Variants in SMC2 observed in about 807,000 individuals in gnomAD.
The protein encoded by SMC2 is structural maintenance of chromosomes 2.
In SMC2, 41 loss-of-function variants were observed where a neutral mutation model predicts 142.6. The observed-to-expected ratio is 0.29, with a 90% CI of 0.22 to 0.37. SMC2 has a LOEUF of 0.37. SMC2 is among the 10% of genes least tolerant of loss of function. The pLI is 1.00. For synonymous variants in SMC2, 463 were observed against 457.5 expected (o/e 1.01, Z -0.15); for missense variants, 1,265 against 1,373.7 (o/e 0.92, Z 1.25).
intron 18 of SMC2, among the ~76,000 whole-genome samples, chr9:104,125,522 G>C (rs758374225): frequency 5.3e-5 from 8 of 152,148 alleles, no homozygotes; most frequent in Non-Finnish European, 4.4e-5. Flanking sequence ...ATAGTTGTGA[G>C]TAGGGGATGC....
intron 15 of SMC2, among the ~76,000 whole-genome samples, chr9:104,119,527 C>A (rs1345995112): frequency 6.6e-6 from 1 of 152,162 alleles, no homozygotes; most frequent in Non-Finnish European, 1.5e-5. Context: ...CAAATTTATT[C>A]CATGTTTATG....
rs1833366023 is a variant in SMC2, at chr9:104,118,392, T to C, written c.1996+17T>C. On this transcript the variant is annotated intron_variant, in intron 15 of 24. Coordinates refer to ENST00000374793, the MANE Select transcript of SMC2 (RefSeq NM_006444.3). ...TGAGTGGAGGTAAGTTTTATATCCT[T>C]TTCTCCTCACAATTCTTTGTGGTAA... 2 of 1,595,240 alleles carry C rather than the reference T, an allele frequency of 1.3e-6. No homozygotes were observed. The highest frequency in any genetic ancestry group is 3.4e-5 in the Admixed American group (2 of 59,288).
intron 23 of SMC2, among the ~76,000 whole-genome samples, chr9:104,137,298 CTTT>C (rs1189245946): frequency 6.6e-6 from 1 of 151,832 alleles, no homozygotes; most frequent in African/African-American, 2.4e-5. Flanking sequence ...TAAAATAAGG[CTTT>C]TTATGAATTA....
rs2131261426 is a variant in SMC2 at position 104,094,340 on chromosome 9, A to C, written c.-199A>C. ...ATAAATAGTTCCGGCGCGGGTGTTG[A>C]GAGCGGTGTGGCAGGTGTTGTAGCC... is the stretch of plus-strand genomic sequence containing the variant. On this transcript the variant is annotated 5_prime_UTR_variant, in exon 1 of 25. Transcript: ENST00000374793. The C allele has an allele frequency of 2.5e-6, 1 of 398,762 alleles. No homozygotes were observed. Among genetic ancestry groups the C allele is most frequent in the Non-Finnish European group, 4.4e-6 (1 of 226,204 alleles). 24.7% of individuals were successfully genotyped at this position (398,762 alleles called of 1,614,324 possible).
chr9:104,112,435 A>G (rs562537733), intron 10 of SMC2, among the ~76,000 whole-genome samples: 31 of 152,332 alleles, frequency 2.0e-4, no homozygotes, highest in African/African-American at 7.2e-4. Flanking sequence ...GAAAAAATAC[A>G]TGTACACAGG....
At chr9:104,130,175 A>G (rs577980166) in intron 21 of SMC2, among the ~76,000 whole-genome samples, 35 of 152,140 alleles carry the variant, frequency 2.3e-4, no homozygotes, top group Non-Finnish European at 4.3e-4. Context: ...TCTTGACTCT[A>G]CTGTATACTG....
intron 10 of SMC2, 22 bp from the exon 11 acceptor site, chr9:104,113,294 C>A: frequency 6.3e-7 from 1 of 1,590,766 alleles, no homozygotes; most frequent in South Asian, 1.2e-5. Flanking sequence ...ATCCTATGGT[C>A]TGTTGCATTT....
At chr9:104,119,121 C>T (rs10820605) in intron 15 of SMC2, among the ~76,000 whole-genome samples, 77,649 of 151,836 alleles carry the variant, frequency 0.51, 20,622 homozygotes, top group Non-Finnish European at 0.55. Context: ...CTCTCGGCCA[C>T]GAAAACATTA....
intron 16 of SMC2, 24 bp downstream of exon 16, chr9:104,120,186 T>A (rs768885510): frequency 5.8e-6 from 9 of 1,555,442 alleles, no homozygotes; most frequent in South Asian, 3.7e-5. Flanking sequence ...ATACTTTTTT[T>A]AATTAAAGAT....
chr9:104,135,816 T>C (rs1304081618), intron 23 of SMC2: 1 of 518,408 alleles, frequency 1.9e-6, no homozygotes, highest in Non-Finnish European at 3.9e-6. Context: ...CTTAGAATTG[T>C]ATATCTAACA....
upstream of SMC2, among the ~76,000 whole-genome samples, chr9:104,090,757 C>G (rs1314959840): frequency 6.6e-6 from 1 of 152,004 alleles, no homozygotes; most frequent in Non-Finnish European, 1.5e-5. Context: ...AGAAGAGCAC[C>G]ACATGAGGAA....
chr9:104,102,643 CT>C (rs1831295663), intron 9 of SMC2, 70 bp downstream of exon 9: 2 of 1,414,956 alleles, frequency 1.4e-6, no homozygotes, highest in African/African-American at 2.9e-5. Flanking sequence ...GTACATTTAT[CT>C]ATTCCATGAA....
Position 104,104,746 on chromosome 9 carries a change from C to A in SMC2, c.1020+2173C>A, listed in dbSNP as rs1447850944. Among the ~76,000 whole-genome samples, 4 of 152,194 alleles carry A rather than the reference C, an allele frequency of 2.6e-5. No individual in the cohort carries two copies. The East Asian group carries it at 7.7e-4, about 29-fold the overall frequency. ...TAGCAAAACTAGTCCTTTTATTATG[C>A]CCACAGACTTCTCTGAAGCTGAAGG... On this transcript the variant is annotated intron_variant, in intron 9 of 24. Coordinates refer to ENST00000374793, the MANE Select transcript of SMC2 (RefSeq NM_006444.3).
chr9:104,105,146 A>G (rs533482670), intron 9 of SMC2, among the ~76,000 whole-genome samples: 14 of 152,342 alleles, frequency 9.2e-5, no homozygotes, highest in South Asian at 4.1e-4. Context: ...TGCCAAGGCA[A>G]TGTTATATAT....
chr9:104,109,308 A>G (rs933351149), intron 9 of SMC2, among the ~76,000 whole-genome samples: 2 of 152,184 alleles, frequency 1.3e-5, no homozygotes, highest in South Asian at 2.1e-4. Context: ...CAGAAATCTT[A>G]GAGTCCTCTG....
chr9:104,098,612 A>G (rs1377242945), intron 4 of SMC2, 44 bp downstream of exon 4: 25 of 1,553,090 alleles, frequency 1.6e-5, no homozygotes, highest in East Asian at 2.3e-5. Context: ...AATAGTTTCG[A>G]CATTTTTTAC....
At chr9:104,114,639 CTT>C in intron 12 of SMC2, 50 bp from the exon 13 acceptor site, 1 of 1,482,560 alleles carries the variant, frequency 6.7e-7, no homozygotes, top group Admixed American at 1.8e-5. Context: ...TAAAGTATAA[CTT>C]TTTCTACTTT....
chr9:104,118,404 A>T (rs779297149), intron 15 of SMC2, 29 bp downstream of exon 15: 2 of 1,573,578 alleles, frequency 1.3e-6, no homozygotes, highest in Admixed American at 1.7e-5. Context: ...TCTCCTCACA[A>T]TTCTTTGTGG....
intron 18 of SMC2, 93 bp downstream of exon 18, chr9:104,125,198 A>G (rs756654557): frequency 4.5e-6 from 4 of 894,134 alleles, no homozygotes; most frequent in Non-Finnish European, 6.7e-6. Flanking sequence ...ATTCATCAGA[A>G]TTGATCTCAG....
Sources: gnomAD v4.1 joint callset for allele counts (sites outside exome capture counted in the v4.1 genomes callset) on GRCh38, gnomAD v4.1.1 for gene constraint, MANE v1.5 for transcripts, NCBI Gene and HGNC (gene_info 2026-07-23, HGNC 2026-07-21) for gene names.